DPYD: variants seen among roughly 807,000 people sequenced by gnomAD.
The protein encoded by DPYD is dihydropyrimidine dehydrogenase.
A neutral mutation model predicts 116.2 loss-of-function variants in DPYD; 109 were observed. The observed-to-expected ratio is 0.94, with a 90% CI of 0.80 to 1.10. The LOEUF is 1.10. Among genes scored for constraint, DPYD ranks in the 50% least tolerant of loss-of-function variants. DPYD has a pLI of 0.00. For synonymous variants in DPYD, 440 were observed against 432.0 expected (o/e 1.02, Z -0.23); for missense variants, 1,302 against 1,254.5 (o/e 1.04, Z -0.57).
In DPYD at chr1:97,397,945, C is replaced by CT. The variant is rs79054469; in HGVS notation, c.1906-15485dup. ...TTTACAAGAAACTGCCACATGCTGT[C>CT]TTTTTTTTTTTAAATTATACTTTAA... On this transcript the variant is annotated intron_variant, in intron 14 of 22. Coordinates refer to ENST00000370192, the MANE Select transcript of DPYD (RefSeq NM_000110.4). 1.1e-3 allele frequency among the ~76,000 whole-genome samples: 156 copies of CT among 146,982 alleles called. 1 individual carries two copies. The highest frequency in any genetic ancestry group is 1.0e-3 in the East Asian group (5 of 4,980).
intron 12 of DPYD, 41 bp downstream of exon 12, chr1:97,549,519 C>A (rs1222120606): frequency 1.9e-6 from 3 of 1,597,776 alleles, no homozygotes; most frequent in South Asian, 2.2e-5. Flanking sequence ...AGCACTTATC[C>A]ATTGGAAAAG....
intron 14 of DPYD, among the ~76,000 whole-genome samples, chr1:97,410,247 C>T (rs1301222177): frequency 6.6e-6 from 1 of 152,024 alleles, no homozygotes; most frequent in Non-Finnish European, 1.5e-5. Context: ...GTTTTGGATA[C>T]AGAATACTGC....
intron 13 of DPYD, among the ~76,000 whole-genome samples, chr1:97,486,075 A>G (rs1678615992): frequency 6.6e-6 from 1 of 152,164 alleles, no homozygotes; most frequent in African/African-American, 2.4e-5. Context: ...CTAATGCACA[A>G]CCCCAAATAC....
At chr1:97,092,625 A>C (rs1649967628) in intron 21 of DPYD, among the ~76,000 whole-genome samples, 1 of 152,128 alleles carries the variant, frequency 6.6e-6, no homozygotes, top group South Asian at 2.1e-4. Context: ...GGTCTGGAAC[A>C]CAGTGGGCGT....
chr1:97,423,571 A>C (rs1266411720), intron 14 of DPYD, among the ~76,000 whole-genome samples: 2 of 152,072 alleles, frequency 1.3e-5, no homozygotes, highest in African/African-American at 2.4e-5. Flanking sequence ...ATTGTCCTAA[A>C]GCTCTAATTT....
intron 1 of DPYD, among the ~76,000 whole-genome samples, chr1:97,920,031 G>T (rs1183309919): frequency 6.6e-6 from 1 of 152,116 alleles, no homozygotes; most frequent in Non-Finnish European, 1.5e-5. Context: ...TACCAGAGTA[G>T]AAGACTCAAA....
intron 18 of DPYD, among the ~76,000 whole-genome samples, chr1:97,296,772 A>T (rs529349448): frequency 3.9e-5 from 6 of 152,174 alleles, no homozygotes; most frequent in Non-Finnish European, 7.4e-5. Context: ...TAAAAATAGG[A>T]TAAAATTTGA....
intron 16 of DPYD, among the ~76,000 whole-genome samples, chr1:97,366,533 G>T (rs1053439879): frequency 1.3e-5 from 2 of 152,078 alleles, no homozygotes; most frequent in African/African-American, 4.8e-5. Context: ...TCCCACTGAG[G>T]CCAACCTAGT....
intron 10 of DPYD, among the ~76,000 whole-genome samples, chr1:97,581,003 T>C (rs1248758984): frequency 3.3e-5 from 5 of 152,054 alleles, no homozygotes; most frequent in Non-Finnish European, 7.4e-5. Context: ...CTGCACTTTA[T>C]GGGGAAGTAC....
intron 11 of DPYD, among the ~76,000 whole-genome samples, chr1:97,562,702 A>C (rs1652236799): frequency 6.6e-6 from 1 of 152,124 alleles, no homozygotes; most frequent in African/African-American, 2.4e-5. Flanking sequence ...TAATTTATAC[A>C]ATAGCATATA....
At chr1:97,790,441 C>T (rs561697561) in intron 3 of DPYD, among the ~76,000 whole-genome samples, 2 of 152,272 alleles carry the variant, frequency 1.3e-5, no homozygotes, top group African/African-American at 2.4e-5. Flanking sequence ...CTAGAGAGAA[C>T]TGATTTTCTA....
intron 20 of DPYD, among the ~76,000 whole-genome samples, chr1:97,190,006 A>C (rs990731018): frequency 6.6e-6 from 1 of 152,194 alleles, no homozygotes; most frequent in African/African-American, 2.4e-5. Flanking sequence ...ACTGTATTGT[A>C]ATTATTTTCA....
chr1:97,916,817 G>A (rs188661729), intron 1 of DPYD, among the ~76,000 whole-genome samples: 138 of 152,186 alleles, frequency 9.1e-4, no homozygotes, highest in African/African-American at 3.2e-3. Context: ...AGGCCAGCCC[G>A]GGCAATATAC....
intron 8 of DPYD, among the ~76,000 whole-genome samples, chr1:97,637,581 A>G (rs564982808): frequency 2.0e-5 from 3 of 152,130 alleles, no homozygotes; most frequent in Admixed American, 2.0e-4. Context: ...TTTGCCTTAG[A>G]CCAGGAGACA....
At chr1:97,247,695 T>C (rs1351886655) in intron 18 of DPYD, among the ~76,000 whole-genome samples, 1 of 152,042 alleles carries the variant, frequency 6.6e-6, no homozygotes, top group Non-Finnish European at 1.5e-5. Context: ...TTTCTAAAAA[T>C]ATAAAAGGAT....
intron 16 of DPYD, among the ~76,000 whole-genome samples, chr1:97,306,893 T>C (rs190421270): frequency 6.6e-6 from 1 of 152,082 alleles, no homozygotes; most frequent in East Asian, 1.9e-4. Context: ...TTGTAAATGT[T>C]ACCAAGATCT....
intron 16 of DPYD, among the ~76,000 whole-genome samples, chr1:97,322,480 G>T (rs1436614535): frequency 2.6e-5 from 4 of 151,950 alleles, no homozygotes; most frequent in African/African-American, 9.7e-5. Flanking sequence ...AGAAGTCTTT[G>T]GTGATAATGT....
intron 11 of DPYD, among the ~76,000 whole-genome samples, chr1:97,550,926 C>A (rs903129153): frequency 6.6e-6 from 1 of 152,134 alleles, no homozygotes; most frequent in Non-Finnish European, 1.5e-5. Context: ...ATATTTGTAG[C>A]TTTCTACTTA....
At chr1:97,898,868 C>T (rs1165629265) in intron 1 of DPYD, among the ~76,000 whole-genome samples, 3 of 152,048 alleles carry the variant, frequency 2.0e-5, no homozygotes, top group African/African-American at 7.2e-5. Flanking sequence ...CTTTGCTCCT[C>T]CTTTGCCTTC....
Sources: gnomAD v4.1 joint callset for allele counts (sites outside exome capture counted in the v4.1 genomes callset) on GRCh38, gnomAD v4.1.1 for gene constraint, MANE v1.5 for transcripts, NCBI Gene and HGNC (gene_info 2026-07-23, HGNC 2026-07-21) for gene names.